Variants in DST observed in about 807,000 individuals in gnomAD.
The protein encoded by DST is dystonin.
DST carries 253 observed loss-of-function variants against 875.2 expected under a neutral mutation model. That is an observed-to-expected ratio of 0.29 (90% CI 0.26 to 0.32). The LOEUF (loss-of-function observed/expected upper bound fraction) is 0.32, where lower values mean the gene tolerates loss of function less well. DST is among the 10% of genes least tolerant of loss of function. The probability of loss-of-function intolerance (pLI) is 1.00; values close to 1 mark genes in which losing one functional copy is unlikely to be tolerated. For synonymous variants in DST, 3,124 were observed against 3,197.1 expected (o/e 0.98, Z 0.77); for missense variants, 8,287 against 9,111.6 (o/e 0.91, Z 3.68).
chr6:56,917,005 AAAAAAAAAAAAAG>A (rs70989743), intron 2 of DST, among the ~76,000 whole-genome samples: 20,718 of 139,484 alleles, frequency 0.15, 1,812 homozygotes, highest in Middle Eastern at 0.21. Context: ...AAAAAAAAAA[AAAAAAAAAAAAAG>A]ACAGGCAGAG....
At chr6:56,673,377 C>T (rs1170493417) in intron 9 of DST, among the ~76,000 whole-genome samples, 2 of 152,038 alleles carry the variant, frequency 1.3e-5, no homozygotes, top group Non-Finnish European at 2.9e-5. Flanking sequence ...ATTCAAGAGC[C>T]ACCTAGATAG....
intron 10 of DST, among the ~76,000 whole-genome samples, chr6:56,652,879 A>C (rs2098984327): frequency 6.6e-6 from 1 of 152,250 alleles, no homozygotes; most frequent in Non-Finnish European, 1.5e-5. Context: ...CAGACCTCCA[A>C]AAGTAACATT....
chr6:56,796,280 G>A (rs1258827812), intron 4 of DST, among the ~76,000 whole-genome samples: 1 of 152,216 alleles, frequency 6.6e-6, no homozygotes, highest in Non-Finnish European at 1.5e-5. Flanking sequence ...AACAAGGAAA[G>A]TCATGCAAGA....
In DST at chr6:56,472,530, C is replaced by G. The variant is rs78694052; in HGVS notation, c.21995-308G>C. On this transcript the variant is annotated intron_variant, in intron 93 of 103. Transcript: ENST00000680361. Reference sequence around the variant, plus strand: ...AAAATTCATGCCATTTCAATGACAACGAAGCATGCTGTGATCCTCCACTTT... The same window carrying G: ...AAAATTCATGCCATTTCAATGACAAGGAAGCATGCTGTGATCCTCCACTTT... 7.5e-4 allele frequency among the ~76,000 whole-genome samples: 114 copies of G among 152,218 alleles called. 2 individuals carry two copies. In the East Asian group the frequency reaches 0.021, roughly 28 times the overall value.
chr6:56,459,335 C>T (rs766870965), intron 103 of DST, 68 bp from the exon 104 acceptor site: 23 of 1,484,970 alleles, frequency 1.5e-5, no homozygotes, highest in East Asian at 7.1e-5. Flanking sequence ...TTTTGAAACC[C>T]GATGCCACCT....
intron 6 of DST, 75 bp from the exon 7 acceptor site, chr6:56,703,821 C>G (rs944075137): frequency 5.1e-6 from 2 of 388,852 alleles, no homozygotes; most frequent in Non-Finnish European, 6.8e-6. Context: ...AGAGCATGAA[C>G]AGAACATAAT....
rs933235097 is a variant in DST at position 56,629,578 on chromosome 6, G to T, written c.4282-135C>A. ...ATAAAGGAAAGAATATCTTTCATAT[G>T]CACAATATTATATTAGTTCAAACCT... On this transcript the variant is annotated intron_variant, in intron 31 of 103. Transcript: ENST00000680361. 4 of 702,796 alleles carry T rather than the reference G, an allele frequency of 5.7e-6. No homozygotes were observed. In the Admixed American group the frequency reaches 7.6e-5, roughly 13 times the overall value. The allele number at this position is 702,796 out of a possible 1,614,324, so 43.5% of individuals were successfully genotyped here.
chr6:56,575,526 G>C (rs958550955), intron 50 of DST, among the ~76,000 whole-genome samples: 2 of 152,106 alleles, frequency 1.3e-5, no homozygotes, highest in African/African-American at 4.8e-5. Flanking sequence ...ACTTTCGAAG[G>C]AAAGCCAGCT....
rs200172960 is a variant in DST at position 56,513,002 on chromosome 6, C to T, written c.18577-1602G>A. Among the ~76,000 whole-genome samples, 10 of 152,278 alleles carry T rather than the reference C, an allele frequency of 6.6e-5. No individual in the cohort carries two copies. In the East Asian group the frequency reaches 1.9e-3, roughly 29 times the overall value. On this transcript the variant is annotated intron_variant, in intron 72 of 103. Transcript: ENST00000680361. ...AATGGAGGTGGTGATGGTATATCAG[C>T]TATAGATAATCTCATGGAAAAGGAA...
In DST at chr6:56,497,372, T is replaced by A. The variant is rs1164321399; in HGVS notation, c.20223+7A>T. On this transcript the variant is annotated splice_region_variant and intron_variant, in intron 82 of 103. Transcript: ENST00000680361. ...GAGGCTAAAGCTGTAGGAAATACTT[T>A]GCTTACCATATGGACATTAAGCTGC... The A allele has an allele frequency of 1.2e-6, 2 of 1,611,786 alleles. No individual in the cohort carries two copies. The highest frequency in any genetic ancestry group is 1.1e-5 in the South Asian group (1 of 90,954).
rs964836088 is a variant in DST at position 56,605,204 on chromosome 6, C to G, written c.9424G>C (p.Asp3142His). ...VQFENLEEIFDTSVSKEISDD... is the reference protein window; with the variant it reads ...VQFENLEEIFHTSVSKEISDD... Reference sequence around the variant, plus strand: ...CTAATCTCTTTGGAAACTGATGTGTCAAAAATTTCTTCAAGATTCTCAAAC... The same window carrying G: ...CTAATCTCTTTGGAAACTGATGTGTGAAAAATTTCTTCAAGATTCTCAAAC... Residue 3142 changes from aspartate (D) to histidine (H), a missense_variant, in exon 40 of 104, where the codon GAC becomes CAC. Asp to His is a moderately conservative substitution (Grantham distance 81, BLOSUM62 -1). Transcript: ENST00000680361. The G allele has an allele frequency of 1.5e-5, 24 of 1,611,804 alleles. No individual in the cohort carries two copies. Among genetic ancestry groups the G allele is most frequent in the Non-Finnish European group, 2.0e-5 (23 of 1,178,814 alleles).
intron 49 of DST, among the ~76,000 whole-genome samples, chr6:56,590,445 T>C (rs538441602): frequency 9.9e-5 from 15 of 152,214 alleles, no homozygotes; most frequent in Admixed American, 9.8e-4. Context: ...AAATGTAATA[T>C]ATGCAATCAA....
At chr6:56,487,422 C>T (rs561124245) in intron 86 of DST, 149 bp from the exon 87 acceptor site, 3 of 666,770 alleles carry the variant, frequency 4.5e-6, no homozygotes, top group South Asian at 3.4e-5. Context: ...TTTGACTTTA[C>T]CATGGTACGA....
In DST at chr6:56,501,533, A is replaced by G; in HGVS notation, c.19727T>C (p.Ile6576Thr). The G allele has an allele frequency of 2.5e-6, 4 of 1,575,016 alleles. No homozygotes were observed. Among genetic ancestry groups the G allele is most frequent in the Non-Finnish European group, 2.6e-6 (3 of 1,160,666 alleles). The change falls in exon 79 of 104, where the codon ATC becomes ACC. Residue 6576 changes from isoleucine to threonine, a missense_variant. By Grantham distance (89) the Ile-to-Thr change is moderately conservative. Transcript: ENST00000680361. Reference protein sequence around the residue: ...KLIWDSLEERIINRQHKLEGA... With the variant: ...KLIWDSLEERTINRQHKLEGA... ...CTTGGTATTTACCTGTCTGTTGATG[A>G]TTCTCTCCTCCAGGCTATCCCATAT...
In DST at chr6:56,532,722, T is replaced by C. The variant is rs73749958; in HGVS notation, c.16942-212A>G. 0.012 allele frequency among the ~76,000 whole-genome samples: 1,773 copies of C among 152,270 alleles called. 45 individuals are homozygous for C. Among genetic ancestry groups the C allele is most frequent in the African/African-American group, 0.041 (1,703 of 41,550 alleles). On this transcript the variant is annotated intron_variant, in intron 63 of 103. Coordinates refer to ENST00000680361, the MANE Select transcript of DST (RefSeq NM_001374736.1). Reference sequence around the variant, plus strand: ...ACACTGTGGCAGGGGCTTTTCACAGTAGACAAAACTAATATTGGTAAGGCC... The same window carrying C: ...ACACTGTGGCAGGGGCTTTTCACAGCAGACAAAACTAATATTGGTAAGGCC...
chr6:56,618,378 C>A (rs2098650553), intron 36 of DST: 1 of 1,614,180 alleles, frequency 6.2e-7, no homozygotes, highest in Non-Finnish European at 8.5e-7. Flanking sequence ...CACTCCTTCA[C>A]TGTCATCTCA....
At chr6:56,815,219 GGGA>G (rs778956770) in intron 4 of DST, among the ~76,000 whole-genome samples, 4 of 152,182 alleles carry the variant, frequency 2.6e-5, no homozygotes, top group Non-Finnish European at 4.4e-5. Context: ...GGGAAAAGTA[GGGA>G]GGAGAATAGG....
intron 4 of DST, among the ~76,000 whole-genome samples, chr6:56,774,536 T>A (rs1564105365): frequency 6.6e-6 from 1 of 152,238 alleles, no homozygotes; most frequent in Non-Finnish European, 1.5e-5. Context: ...CATCTTGAAC[T>A]TTTCTTTGAA....
intron 4 of DST, among the ~76,000 whole-genome samples, chr6:56,808,251 T>A (rs1561941489): frequency 6.6e-6 from 1 of 151,862 alleles, no homozygotes; most frequent in African/African-American, 2.4e-5. Context: ...CAGTACTTTG[T>A]TTAAAAAAAA....
Sources: gnomAD v4.1 joint callset for allele counts (sites outside exome capture counted in the v4.1 genomes callset) on GRCh38, gnomAD v4.1.1 for gene constraint, MANE v1.5 for transcripts, NCBI Gene and HGNC (gene_info 2026-07-23, HGNC 2026-07-21) for gene names.